The following PAK1IP1 variants were observed in gnomAD, a reference collection of about 807,000 sequenced individuals.
PAK1IP1 encodes the protein p21-activated protein kinase-interacting protein 1.
PAK1IP1 carries 24 observed loss-of-function variants against 42.0 expected under a neutral mutation model. The observed-to-expected ratio is 0.57, with a 90% CI of 0.41 to 0.80. The LOEUF (loss-of-function observed/expected upper bound fraction) is 0.80, where lower values mean the gene tolerates loss of function less well. PAK1IP1 is among the 30% of genes least tolerant of loss of function. The pLI is 0.00. For missense variants in PAK1IP1, 411 were observed against 467.9 expected, an observed-to-expected ratio of 0.88 and a Z score of 1.12; for synonymous variants, 154 against 156.7, an observed-to-expected ratio of 0.98 and a Z score of 0.13.
In PAK1IP1 at chr6:10,703,449, T is replaced by A; in HGVS notation, c.488T>A (p.Ile163Lys). 3 of 1,604,332 alleles carry A rather than the reference T, an allele frequency of 1.9e-6. No homozygotes were observed. The highest frequency in any genetic ancestry group is 2.6e-6 in the Non-Finnish European group (3 of 1,172,108). The change falls in exon 5 of 10, where the codon ATA becomes AAA. Residue 163 changes from isoleucine to lysine, a missense_variant. Transcript: ENST00000379568. Reference sequence around the variant, plus strand: ...GGAAGATCAGCATTCATAAAAAATATAAAACAAAGTGAGTATTTTTGTTTG... The same window carrying A: ...GGAAGATCAGCATTCATAAAAAATAAAAAACAAAGTGAGTATTTTTGTTTG... Reference protein sequence around the residue: ...VEGRSAFIKNIKQNAHIVEWS... With the variant: ...VEGRSAFIKNKKQNAHIVEWS...
At chr6:10,701,269 G>T (rs1281751459) in intron 2 of PAK1IP1, among the ~76,000 whole-genome samples, 1 of 152,066 alleles carries the variant, frequency 6.6e-6, no homozygotes, top group Non-Finnish European at 1.5e-5. Flanking sequence ...TAGAGACGGG[G>T]TTTCGCCATG....
upstream of PAK1IP1, among the ~76,000 whole-genome samples, chr6:10,691,833 G>C (rs1442370990): frequency 6.6e-6 from 1 of 151,850 alleles, no homozygotes; most frequent in Admixed American, 6.6e-5. Context: ...TAAGTTTTGG[G>C]GTTTTTTTTT....
chr6:10,708,911 T>C (rs1180672515), intron 8 of PAK1IP1, 42 bp from the exon 9 acceptor site: 3 of 1,508,288 alleles, frequency 2.0e-6, no homozygotes, highest in Admixed American at 2.1e-5. Context: ...AAAAAGAAAT[T>C]ATTGAAAATG....
chr6:10,691,972 T>G (rs1769353887), upstream of PAK1IP1, among the ~76,000 whole-genome samples: 1 of 152,204 alleles, frequency 6.6e-6, no homozygotes, highest in East Asian at 1.9e-4. Flanking sequence ...AGTGTGACAG[T>G]CTGGTAACAG....
intron 2 of PAK1IP1, among the ~76,000 whole-genome samples, chr6:10,697,982 T>C (rs960154644): frequency 3.9e-5 from 6 of 151,960 alleles, no homozygotes; most frequent in African/African-American, 1.5e-4. Context: ...CAGAGTGAGG[T>C]TTTCACTGAA....
upstream of PAK1IP1, chr6:10,694,588 T>TCGGTGGTCGCCGTATCATTAAAAA: frequency 5.7e-6 from 1 of 176,918 alleles, no homozygotes; most frequent in South Asian, 1.0e-4. Context: ...CTGCCGGCGC[T>TCGGTGGTCGCCGTATCATTAAAAA]ACAGCCCCTA....
At chr6:10,694,586 GCTACAGCCCCT>G, upstream of PAK1IP1, 31 of 185,668 alleles carry the variant, frequency 1.7e-4, no homozygotes, top group South Asian at 1.1e-3. Flanking sequence ...CGCTGCCGGC[GCTACAGCCCCT>G]AAGCAACCGG....
At chr6:10,703,579 C>T (rs1770104271) in intron 5 of PAK1IP1, 122 bp downstream of exon 5, 4 of 639,486 alleles carry the variant, frequency 6.3e-6, no homozygotes, top group East Asian at 5.7e-5. Context: ...AACACCTTAC[C>T]TCATGATGGG....
chr6:10,692,566 G>C (rs919257679), upstream of PAK1IP1, among the ~76,000 whole-genome samples: 1 of 151,944 alleles, frequency 6.6e-6, no homozygotes, highest in African/African-American at 2.4e-5. Context: ...TCACCCTCCC[G>C]AGTAGCTGGG....
chr6:10,702,318 A>C, intron 2 of PAK1IP1, 51 bp from the exon 3 acceptor site: 1 of 1,473,422 alleles, frequency 6.8e-7, no homozygotes, highest in Non-Finnish European at 9.5e-7. Context: ...TCAGAAATGG[A>C]GTTTGCATTT....
rs111461026 is a variant in PAK1IP1 at position 10,702,549 on chromosome 6, T to G, written c.369-16T>G. On this transcript the variant is annotated splice_polypyrimidine_tract_variant and intron_variant, in intron 3 of 9. Coordinates refer to ENST00000379568, the MANE Select transcript of PAK1IP1 (RefSeq NM_017906.3). ...GTGCCAGTCAAGTTGGGGACTAACTTTTGGTTTCATTATAGAGGACAGGTG... is the reference window on the plus strand; with the variant it reads ...GTGCCAGTCAAGTTGGGGACTAACTGTTGGTTTCATTATAGAGGACAGGTG... 1.1e-3 allele frequency: 1,778 copies of G among 1,614,094 alleles called. 21 individuals carry two copies. The African/African-American group carries it at 0.021, about 19-fold the overall frequency.
At chr6:10,700,115 G>C (rs1769982402) in intron 2 of PAK1IP1, among the ~76,000 whole-genome samples, 1 of 152,144 alleles carries the variant, frequency 6.6e-6, no homozygotes, top group African/African-American at 2.4e-5. Flanking sequence ...CTGGAGTGCA[G>C]TGGCGCGATC....
chr6:10,694,687 C>A (rs549142659), upstream of PAK1IP1: 9 of 317,098 alleles, frequency 2.8e-5, no homozygotes, highest in Non-Finnish European at 4.7e-5. Flanking sequence ...TCCCTTCAGA[C>A]GGGCGTAGCT....
At chr6:10,702,666 T>A in intron 4 of PAK1IP1, 27 bp downstream of exon 4, 4 of 1,476,736 alleles carry the variant, frequency 2.7e-6, no homozygotes, top group Non-Finnish European at 2.8e-6. Context: ...CAAGAGCATT[T>A]ATCTAAGGTG....
upstream of PAK1IP1, among the ~76,000 whole-genome samples, chr6:10,694,053 A>G (rs974209432): frequency 3.3e-5 from 5 of 152,098 alleles, no homozygotes; most frequent in East Asian, 1.9e-4. Flanking sequence ...TGCGGTCGGG[A>G]GTTCAAAACC....
rs879191882 is a variant in PAK1IP1 at position 10,702,589 on chromosome 6, T to C, written c.393T>C (p.Ile131=). 4 of 1,613,948 alleles carry C rather than the reference T, an allele frequency of 2.5e-6. No homozygotes were observed. The South Asian group carries it at 4.4e-5, about 18-fold the overall frequency. ...GAGGACAGGTGACCTTCCTTTCTAT[T>C]CACCCATCTGGCAAGTTGGCCCTGT... ...AHKGQVTFLS[I]HPSGKLALSV... is the part of the protein sequence containing the mutation. The change falls in exon 4 of 10, where the codon ATT becomes ATC. Residue 131 remains isoleucine (I), a synonymous_variant. Coordinates refer to ENST00000379568, the MANE Select transcript of PAK1IP1 (RefSeq NM_017906.3).
intron 9 of PAK1IP1, 76 bp from the exon 10 acceptor site, chr6:10,709,162 T>C: frequency 6.6e-7 from 1 of 1,511,602 alleles, no homozygotes; most frequent in Non-Finnish European, 9.1e-7. Context: ...TAATTTCACT[T>C]TATTGACAGC....
At chr6:10,698,702 C>G (rs775416814) in intron 2 of PAK1IP1, among the ~76,000 whole-genome samples, 21 of 152,270 alleles carry the variant, frequency 1.4e-4, no homozygotes, top group Admixed American at 5.2e-4. Flanking sequence ...AACAGAAGGA[C>G]TGATGAAGGC....
At chr6:10,696,332 TGATG>T (rs908876419) in intron 1 of PAK1IP1, among the ~76,000 whole-genome samples, 3 of 152,228 alleles carry the variant, frequency 2.0e-5, no homozygotes, top group Non-Finnish European at 4.4e-5. Context: ...TGGTCTTAAA[TGATG>T]GAAGGAGTAT....
Sources: allele counts gnomAD v4.1 joint callset (sites outside exome capture counted in the v4.1 genomes callset), GRCh38; gene constraint gnomAD v4.1.1; transcripts MANE v1.5; gene names NCBI Gene and HGNC (gene_info 2026-07-23, HGNC 2026-07-21).